The following ZMAT4 variants were observed in gnomAD, a reference collection of about 807,000 sequenced individuals.
The protein encoded by ZMAT4 is zinc finger matrin-type protein 4.
A neutral mutation model predicts 28.7 loss-of-function variants in ZMAT4; 17 were observed. The observed-to-expected ratio is 0.59, with a 90% CI of 0.41 to 0.89. The LOEUF is 0.89. Ranked by LOEUF, ZMAT4 falls within the 40% of genes least tolerant of loss-of-function variation. The pLI is 0.00. For missense variants in ZMAT4, 240 were observed against 283.8 expected, an observed-to-expected ratio of 0.85 and a Z score of 1.11; for synonymous variants, 117 against 109.2, an observed-to-expected ratio of 1.07 and a Z score of -0.44.
At chr8:40,767,096 CT>C (rs1813191109) in intron 3 of ZMAT4, among the ~76,000 whole-genome samples, 1 of 152,202 alleles carries the variant, frequency 6.6e-6, no homozygotes, top group Non-Finnish European at 1.5e-5. Flanking sequence ...TTTGCTCTGA[CT>C]TGACTCCCTC....
At chr8:40,800,590 T>C (rs972276604) in intron 2 of ZMAT4, among the ~76,000 whole-genome samples, 126 of 152,138 alleles carry the variant, frequency 8.3e-4, no homozygotes, top group African/African-American at 2.9e-3. Flanking sequence ...TGGAAATCAA[T>C]AACAGAAAGA....
chr8:40,635,057 A>G (rs1230283244), intron 5 of ZMAT4, among the ~76,000 whole-genome samples: 1 of 152,116 alleles, frequency 6.6e-6, no homozygotes, highest in South Asian at 2.1e-4. Flanking sequence ...AAAGACAGCA[A>G]TTTCCTGGGG....
chr8:40,846,578 TAACGAGCC>T (rs959641361), intron 1 of ZMAT4, among the ~76,000 whole-genome samples: 1 of 152,220 alleles, frequency 6.6e-6, no homozygotes. Context: ...TGAAAACTGC[TAACGAGCC>T]ACGGCAGCGT....
At chr8:40,663,216 C>T (rs752506636) in intron 5 of ZMAT4, among the ~76,000 whole-genome samples, 9 of 152,192 alleles carry the variant, frequency 5.9e-5, no homozygotes, top group Non-Finnish European at 1.2e-4. Flanking sequence ...TGTAGTCATG[C>T]TGATCTCTCC....
chr8:40,645,246 A>G (rs1008289464), intron 5 of ZMAT4, among the ~76,000 whole-genome samples: 1 of 152,194 alleles, frequency 6.6e-6, no homozygotes, highest in Non-Finnish European at 1.5e-5. Flanking sequence ...ATCTAAAACT[A>G]TTCTAAAATA....
intron 5 of ZMAT4, among the ~76,000 whole-genome samples, chr8:40,643,418 C>T (rs1305335477): frequency 6.6e-6 from 1 of 152,110 alleles, no homozygotes; most frequent in Non-Finnish European, 1.5e-5. Context: ...ATGTCAGTGA[C>T]CAGTACATCC....
intron 5 of ZMAT4, among the ~76,000 whole-genome samples, chr8:40,640,563 C>T: frequency 6.6e-6 from 1 of 152,010 alleles, no homozygotes; most frequent in East Asian, 1.9e-4. Context: ...AAAGATGTAT[C>T]AGAAACTTGC....
intron 1 of ZMAT4, among the ~76,000 whole-genome samples, chr8:40,863,707 A>AC (rs1365739650): frequency 3.5e-4 from 53 of 152,302 alleles, no homozygotes; most frequent in African/African-American, 1.3e-3. Context: ...CCATATGAGG[A>AC]CAGTCATTGA....
chr8:40,548,749 G>A (rs1803275670), intron 6 of ZMAT4, among the ~76,000 whole-genome samples: 1 of 151,984 alleles, frequency 6.6e-6, no homozygotes, highest in Non-Finnish European at 1.5e-5. Context: ...AACAATAAAA[G>A]AGAGAAAGAC....
chr8:40,616,767 A>G (rs989782181), intron 5 of ZMAT4, among the ~76,000 whole-genome samples: 2 of 152,056 alleles, frequency 1.3e-5, no homozygotes, highest in African/African-American at 2.4e-5. Flanking sequence ...GGATAGCATT[A>G]GGAGATATAC....
chr8:40,891,755 C>A (rs1586235217), intron 1 of ZMAT4, among the ~76,000 whole-genome samples: 2 of 152,304 alleles, frequency 1.3e-5, no homozygotes, highest in East Asian at 1.9e-4. Context: ...CACAGGGACA[C>A]CCTGGCCAGC....
intron 3 of ZMAT4, among the ~76,000 whole-genome samples, chr8:40,765,183 C>A (rs1258421602): frequency 6.6e-6 from 1 of 152,008 alleles, no homozygotes; most frequent in Non-Finnish European, 1.5e-5. Flanking sequence ...GCTTCAATGC[C>A]CAAAAATAAG....
At chr8:40,557,176 A>G (rs371651422) in intron 6 of ZMAT4, among the ~76,000 whole-genome samples, 136 of 152,296 alleles carry the variant, frequency 8.9e-4, no homozygotes, top group African/African-American at 3.0e-3. Flanking sequence ...TCAAAAGGAT[A>G]CCTGCACTCT....
chr8:40,651,272 A>G (rs1209168830), intron 5 of ZMAT4, among the ~76,000 whole-genome samples: 1 of 152,140 alleles, frequency 6.6e-6, no homozygotes, highest in African/African-American at 2.4e-5. Flanking sequence ...AAGCATTCTT[A>G]TACACCAACA....
At chr8:40,640,921 T>C (rs1806994823) in intron 5 of ZMAT4, among the ~76,000 whole-genome samples, 1 of 144,134 alleles carries the variant, frequency 6.9e-6, no homozygotes, top group Non-Finnish European at 1.5e-5. Flanking sequence ...ATTGCACCAC[T>C]GCACTCCAGC....
At chr8:40,746,272 CCTTTCTTT>C (rs1277820028) in intron 3 of ZMAT4, among the ~76,000 whole-genome samples, 2 of 90,364 alleles carry the variant, frequency 2.2e-5, no homozygotes, top group African/African-American at 8.6e-5. Flanking sequence ...TCCCTTCCTT[CCTTTCTTT>C]CTTTCTTTTC....
chr8:40,844,320 T>C (rs72641579), intron 1 of ZMAT4, among the ~76,000 whole-genome samples: 21,466 of 152,130 alleles, frequency 0.14, 1,944 homozygotes, highest in Non-Finnish European at 0.2. Context: ...TGAGCAGAGA[T>C]CACCTCCACC....
intron 2 of ZMAT4, among the ~76,000 whole-genome samples, chr8:40,823,269 TC>T (rs1290016938): frequency 6.6e-6 from 1 of 151,802 alleles, no homozygotes; most frequent in Non-Finnish European, 1.5e-5. Flanking sequence ...ACACAAAAAG[TC>T]TAATAAAGGA....
intron 5 of ZMAT4, among the ~76,000 whole-genome samples, chr8:40,621,170 G>A (rs956683913): frequency 5.9e-5 from 9 of 152,140 alleles, no homozygotes; most frequent in Non-Finnish European, 1.0e-4. Flanking sequence ...GCGAGGGAGT[G>A]GATCATCTCG....
Sources: gnomAD v4.1 joint callset for allele counts (sites outside exome capture counted in the v4.1 genomes callset) on GRCh38, gnomAD v4.1.1 for gene constraint, MANE v1.5 for transcripts, NCBI Gene and HGNC (gene_info 2026-07-23, HGNC 2026-07-21) for gene names.